The following CAVIN1 variants were observed in gnomAD, a reference collection of about 807,000 sequenced individuals.
CAVIN1 encodes the protein caveolae associated protein 1, also known as caveolae-associated protein 1.
Under a neutral mutation model 24.0 loss-of-function variants are expected in CAVIN1, and 16 were observed. The ratio of observed to expected loss-of-function variants is 0.67; its 90% CI spans 0.45 to 1.01. The LOEUF is 1.01. CAVIN1 is among the 50% of genes least tolerant of loss of function. The pLI is 0.00. For missense variants in CAVIN1, 510 were observed against 551.7 expected (o/e 0.92, Z 0.76); for synonymous variants, 256 against 256.4 (o/e 1.00, Z 0.02).
intron 1 of CAVIN1, among the ~76,000 whole-genome samples, chr17:42,408,798 T>TC (rs1263210083): frequency 6.7e-6 from 1 of 149,022 alleles, no homozygotes; most frequent in East Asian, 2.0e-4. Context: ...GCCTTTTTTT[T>TC]TTTTTTTTTT....
chr17:42,412,194 A>G (rs2085482944), intron 1 of CAVIN1: 1 of 985,132 alleles, frequency 1.0e-6, no homozygotes, highest in African/African-American at 1.7e-5. Flanking sequence ...CAGGCAGGTC[A>G]AAAGGCACGA....
chr17:42,418,596 G>C lies in CAVIN1; in HGVS notation c.471+4031C>G, dbSNP rs569766010. On this transcript the variant is annotated intron_variant, in intron 1 of 1. Transcript: ENST00000357037. Reference sequence around the variant, plus strand: ...GCCCTACTCTCCAAATTGTTGCCTGGAGGGATGGTTAATGGGTACAAAAAT... The same window carrying C: ...GCCCTACTCTCCAAATTGTTGCCTGCAGGGATGGTTAATGGGTACAAAAAT... Among the ~76,000 whole-genome samples the C allele has an allele frequency of 1.8e-3, 277 of 152,264 alleles. 4 individuals carry two copies. Among genetic ancestry groups the C allele is most frequent in the East Asian group, 1.2e-3 (6 of 5,190 alleles).
chr17:42,404,753 C>G lies in CAVIN1; in HGVS notation c.1107G>C (p.Val369=). The G allele has an allele frequency of 6.5e-7, 1 of 1,530,194 alleles. No homozygotes were observed. Among genetic ancestry groups the G allele is most frequent in the Non-Finnish European group, 8.7e-7 (1 of 1,144,606 alleles). 94.8% of individuals were successfully genotyped at this position (1,530,194 alleles called of 1,614,324 possible). A position where few individuals can be genotyped will look rare whatever the true frequency, so the allele number is the denominator to read the frequency against. The part of the protein sequence containing the change: ...GDLRRGSSPD[V]HALLEITEES... ...CCTCGGTGATCTCCAGCAGCGCGTGCACGTCGGGGCTGCTCCCGCGCCGCA... is the reference window on the plus strand; with the variant it reads ...CCTCGGTGATCTCCAGCAGCGCGTGGACGTCGGGGCTGCTCCCGCGCCGCA... The change falls in exon 2 of 2, where the codon GTG becomes GTC. Residue 369 remains valine (V), a synonymous_variant. Coordinates refer to ENST00000357037, the MANE Select transcript of CAVIN1 (RefSeq NM_012232.6).
chr17:42,422,073 G>A (rs1674724756), intron 1 of CAVIN1, among the ~76,000 whole-genome samples: 1 of 152,124 alleles, frequency 6.6e-6, no homozygotes, highest in South Asian at 2.1e-4. Flanking sequence ...AGGGTCTGGG[G>A]AGGAGGTTGG....
At chr17:42,411,029 C>CA (rs1205231865) in intron 1 of CAVIN1, among the ~76,000 whole-genome samples, 1 of 147,070 alleles carries the variant, frequency 6.8e-6, no homozygotes, top group East Asian at 2.0e-4. Flanking sequence ...CCGTCTCTAC[C>CA]AAAAAATACA....
intron 1 of CAVIN1, among the ~76,000 whole-genome samples, chr17:42,413,824 G>T (rs1016118136): frequency 2.0e-5 from 3 of 152,116 alleles, no homozygotes; most frequent in Admixed American, 2.0e-4. Flanking sequence ...TAACTGGGGA[G>T]GCTCAGATGA....
rs1203557230 is a variant in CAVIN1 at position 42,408,833 on chromosome 17, T to C, written c.472-3445A>G. On this transcript the variant is annotated intron_variant, in intron 1 of 1. Coordinates refer to ENST00000357037, the MANE Select transcript of CAVIN1 (RefSeq NM_012232.6). ...TGAGACATGGTCTCACTCTGTCACC[T>C]AGGTTGGAGTGCAGTGGCGCGATCT... Among the ~76,000 whole-genome samples the C allele has an allele frequency of 4.8e-5, 6 of 126,174 alleles. 1 individual carries two copies. Among genetic ancestry groups the C allele is most frequent in the East Asian group, 2.7e-4 (1 of 3,720 alleles). 82.8% of individuals were successfully genotyped at this position (126,174 alleles called of 152,430 possible).
intron 1 of CAVIN1, among the ~76,000 whole-genome samples, chr17:42,422,048 G>A (rs1254001964): frequency 6.6e-6 from 1 of 152,214 alleles, no homozygotes; most frequent in Non-Finnish European, 1.5e-5. Context: ...GGCCGATGTG[G>A]GGGCGCGGGG....
In CAVIN1 at chr17:42,405,119, A is replaced by G; in HGVS notation, c.741T>C (p.Arg247=). Residue 247 remains arginine, a synonymous_variant, in exon 2 of 2, where the codon CGT becomes CGC. Transcript: ENST00000357037. ...GCGTCTTCTCCAGGTTCTCGCGGGT[A>G]CGCACCTTGGTCTTCTCCATCTTCT... The part of the protein sequence containing the change: ...SKEKMEKTKV[R]TRENLEKTRL... 6.2e-7 allele frequency: 1 copy of G among 1,613,512 alleles called. No individual in the cohort carries two copies. The highest frequency in any genetic ancestry group is 8.5e-7 in the Non-Finnish European group (1 of 1,179,878).
At chr17:42,416,067 C>T (rs529383164) in intron 1 of CAVIN1, among the ~76,000 whole-genome samples, 29 of 152,218 alleles carry the variant, frequency 1.9e-4, no homozygotes, top group African/African-American at 7.0e-4. Context: ...CAGTGGGGAC[C>T]CTCTAGAAAA....
chr17:42,411,794 G>A, intron 1 of CAVIN1: 1 of 985,430 alleles, frequency 1.0e-6, no homozygotes, highest in Non-Finnish European at 1.2e-6. Flanking sequence ...TTAAGTGTGG[G>A]GGAGCATTTA....
chr17:42,410,874 C>T (rs1361468384), intron 1 of CAVIN1, among the ~76,000 whole-genome samples: 2 of 104,400 alleles, frequency 1.9e-5, no homozygotes, highest in African/African-American at 3.9e-5. Context: ...AGCCTGGCGA[C>T]GGAGTGAGAC....
intron 1 of CAVIN1, among the ~76,000 whole-genome samples, chr17:42,415,528 G>A (rs1262797630): frequency 2.0e-5 from 3 of 151,772 alleles, no homozygotes; most frequent in Non-Finnish European, 2.9e-5. Flanking sequence ...TGGGCAATGT[G>A]GAGAAACCCC....
At chr17:42,417,680 A>G (rs1168046376) in intron 1 of CAVIN1, among the ~76,000 whole-genome samples, 1 of 152,132 alleles carries the variant, frequency 6.6e-6, no homozygotes, top group African/African-American at 2.4e-5. Context: ...GTTACTGGTT[A>G]TGTATTTACT....
chr17:42,405,201 C>G lies in CAVIN1; in HGVS notation c.659G>C (p.Arg220Pro), dbSNP rs769543146. Residue 220 changes from arginine (R) to proline (P), a missense_variant, in exon 2 of 2, where the codon CGT becomes CCT. Coordinates refer to ENST00000357037, the MANE Select transcript of CAVIN1 (RefSeq NM_012232.6). The part of the protein sequence containing the change: ...EEVIEESRAE[R>P]IKRSGLRRVD... The stretch of plus-strand genomic sequence containing the variant: ...GCGCCGCAGGCCGCTGCGCTTGATA[C>G]GCTCTGCGCGGGACTCCTCAATAAC... The G allele has an allele frequency of 3.1e-6, 5 of 1,614,072 alleles. No individual in the cohort carries two copies. Among genetic ancestry groups the G allele is most frequent in the Non-Finnish European group, 2.5e-6 (3 of 1,180,006 alleles).
intron 1 of CAVIN1, among the ~76,000 whole-genome samples, chr17:42,409,211 C>T (rs912408978): frequency 2.4e-4 from 37 of 152,242 alleles, no homozygotes; most frequent in African/African-American, 8.4e-4. Flanking sequence ...AGTGATCCTC[C>T]CACCTCAGCC....
chr17:42,423,233 C>G lies in CAVIN1; in HGVS notation c.-136G>C. 1 of 707,854 alleles carries G rather than the reference C, an allele frequency of 1.4e-6. No homozygotes were observed. The highest frequency in any genetic ancestry group is 2.7e-5 in the East Asian group (1 of 36,748). 43.8% of individuals were successfully genotyped at this position (707,854 alleles called of 1,614,324 possible). On this transcript the variant is annotated 5_prime_UTR_variant, in exon 1 of 2. Coordinates refer to ENST00000357037, the MANE Select transcript of CAVIN1 (RefSeq NM_012232.6). ...AGAGGAAACTCGAGCCACGTCCGTG[C>G]GCACCGGGACAGCGGCCAGAACTGC...
At chr17:42,405,705 T>TA (rs2085442601) in intron 1 of CAVIN1, among the ~76,000 whole-genome samples, 3 of 149,728 alleles carry the variant, frequency 2.0e-5, no homozygotes, top group East Asian at 2.0e-4. Context: ...TTTTTTTTTT[T>TA]AAACGGAGTC....
intron 1 of CAVIN1, among the ~76,000 whole-genome samples, chr17:42,422,414 C>T (rs1046534217): frequency 6.6e-6 from 1 of 152,112 alleles, no homozygotes. Flanking sequence ...CGCCCCTCTA[C>T]GCGCCCCAGG....
Sources: allele counts gnomAD v4.1 joint callset (sites outside exome capture counted in the v4.1 genomes callset), GRCh38; gene constraint gnomAD v4.1.1; transcripts MANE v1.5; gene names NCBI Gene and HGNC (gene_info 2026-07-23, HGNC 2026-07-21).